Variants in STAT1 observed in about 807,000 individuals in gnomAD.
STAT1 encodes the protein signal transducer and activator of transcription 1, also known as signal transducer and activator of transcription 1-alpha/beta.
STAT1 carries 24 observed loss-of-function variants against 111.7 expected under a neutral mutation model. The observed-to-expected ratio is 0.21, with a 90% confidence interval of 0.16 to 0.30. The LOEUF (loss-of-function observed/expected upper bound fraction) is 0.30, where lower values mean the gene tolerates loss of function less well. STAT1 is among the 10% of genes least tolerant of loss of function. The pLI, the probability that STAT1 is intolerant of heterozygous loss-of-function variation, is 1.00. For missense variants in STAT1, 351 were observed against 911.9 expected (o/e 0.38, Z 7.92); for synonymous variants, 332 against 326.5 (o/e 1.02, Z -0.18).
In STAT1 at chr2:190,990,822, C is replaced by A. The variant is rs187298237; in HGVS notation, c.1037+406G>T. On this transcript the variant is annotated intron_variant, in intron 11 of 24. Transcript: ENST00000361099. This position sits in a 1 kb window ranked among gnomAD's most constrained non-coding sequence, Gnocchi z 5.1. ...GAGAAACTGATGAAAGCTATAAATC[C>A]ATCCATCAGAAAAATGTACATGTTA... 1.3e-3 allele frequency among the ~76,000 whole-genome samples: 193 copies of A among 152,252 alleles called. No homozygotes were observed. Among genetic ancestry groups the A allele is most frequent in the Non-Finnish European group, 2.4e-3 (164 of 68,018 alleles).
chr2:191,013,207 T>C (rs1043104055), intron 2 of STAT1, among the ~76,000 whole-genome samples: 15 of 152,276 alleles, frequency 9.9e-5, no homozygotes, highest in Admixed American at 2.0e-4. Flanking sequence ...TCCAGCATCC[T>C]CATTAAGCAA....
rs1223001198 is a variant in STAT1 at position 190,970,133 on chromosome 2, T to TC, written c.*569dup. ...GAAAGATGTAATAAAATACACATTT[T>TC]CCCCCTACCAGATCCATGATGGCTA... On this transcript the variant is annotated 3_prime_UTR_variant, in exon 25 of 25. Transcript: ENST00000361099. The surrounding 1 kb of genome is among the most constrained non-coding windows in gnomAD (Gnocchi z 5.4). 2 of 161,678 alleles carry TC rather than the reference T, an allele frequency of 1.2e-5. No individual in the cohort carries two copies. The highest frequency in any genetic ancestry group is 4.8e-5 in the African/African-American group (2 of 41,498). 10.0% of individuals were successfully genotyped at this position (161,678 alleles called of 1,614,324 possible).
In STAT1 at chr2:190,980,444, C is replaced by G. The variant is rs952089791; in HGVS notation, c.1632+176G>C. Among the ~76,000 whole-genome samples, 3 of 152,230 alleles carry G rather than the reference C, an allele frequency of 2.0e-5. No individual in the cohort carries two copies. The highest frequency in any genetic ancestry group is 4.4e-5 in the Non-Finnish European group (3 of 68,042). On this transcript the variant is annotated intron_variant, in intron 19 of 24. Coordinates refer to ENST00000361099, the MANE Select transcript of STAT1 (RefSeq NM_007315.4). This position sits in a 1 kb window ranked among gnomAD's most constrained non-coding sequence, Gnocchi z 6.1. The stretch of plus-strand genomic sequence containing the variant: ...AGGTGCTTCCTGTCAGACTCCTGCT[C>G]GGAGACCAACCTCCTGCACTGAAGA...
chr2:190,988,554 A>T (rs1029273197), intron 12 of STAT1, among the ~76,000 whole-genome samples: 2 of 151,784 alleles, frequency 1.3e-5, no homozygotes, highest in Non-Finnish European at 2.9e-5. Context: ...AATTTTTTGT[A>T]TTTTTCGTAG....
Position 191,000,975 on chromosome 2 carries a change from G to T in STAT1, c.462+99C>A. ...AATTTTTCTTCCCAACTACTTAAAA[G>T]ACTGAACTCAGTTACGAGGTTTACA... On this transcript the variant is annotated intron_variant, in intron 6 of 24. Coordinates refer to ENST00000361099, the MANE Select transcript of STAT1 (RefSeq NM_007315.4). The surrounding 1 kb of genome is among the most constrained non-coding windows in gnomAD (Gnocchi z 4.8). 9.8e-7 allele frequency: 1 copy of T among 1,024,542 alleles called. No individual in the cohort carries two copies. Among genetic ancestry groups the T allele is most frequent in the South Asian group, 1.3e-5 (1 of 77,476 alleles). The allele number at this position is 1,024,542 out of a possible 1,614,324, so 63.5% of individuals were successfully genotyped here.
Position 190,984,276 on chromosome 2 carries a change from G to T in STAT1, c.1347+34C>A, listed in dbSNP as rs1192301882. 3.3e-6 allele frequency: 5 copies of T among 1,508,336 alleles called. No individual in the cohort carries two copies. In the African/African-American group the frequency reaches 6.9e-5, roughly 21 times the overall value. 93.4% of individuals were successfully genotyped at this position (1,508,336 alleles called of 1,614,324 possible). ...TGTAACAATTAAAAGTAAAAATAAT[G>T]AAGTTTTCCAACTCGGGACCATAAA... is the stretch of plus-strand genomic sequence containing the variant. On this transcript the variant is annotated intron_variant, in intron 16 of 24. Coordinates refer to ENST00000361099, the MANE Select transcript of STAT1 (RefSeq NM_007315.4). The surrounding 1 kb of genome is among the most constrained non-coding windows in gnomAD (Gnocchi z 5.2).
At chr2:191,011,391 G>A (rs1695103204) in intron 2 of STAT1, among the ~76,000 whole-genome samples, 1 of 152,140 alleles carries the variant, frequency 6.6e-6, no homozygotes, top group Non-Finnish European at 1.5e-5. Flanking sequence ...GCGAACCCAG[G>A]TAACTTACTC....
rs761353987 is a variant in STAT1 at position 191,003,766 on chromosome 2, T to C, written c.373-2603A>G. On this transcript the variant is annotated intron_variant, in intron 5 of 24. Coordinates refer to ENST00000361099, the MANE Select transcript of STAT1 (RefSeq NM_007315.4). This position sits in a 1 kb window ranked among gnomAD's most constrained non-coding sequence, Gnocchi z 4.0. ...TTACCCAGTCTCAGGTATTTCTTTA[T>C]AGCCATGCAAGAACAGACTAATACA... Among the ~76,000 whole-genome samples, 2 of 152,206 alleles carry C rather than the reference T, an allele frequency of 1.3e-5. No individual in the cohort carries two copies. The highest frequency in any genetic ancestry group is 6.5e-5 in the Admixed American group (1 of 15,284).
In STAT1 at chr2:190,990,272, A is replaced by C. The variant is rs1430138989; in HGVS notation, c.1038-598T>G. Among the ~76,000 whole-genome samples the C allele has an allele frequency of 6.6e-6, 1 of 152,156 alleles. No individual in the cohort carries two copies. The highest frequency in any genetic ancestry group is 1.5e-5 in the Non-Finnish European group (1 of 68,014). ...AGCAGGTGGATGGGATCAGATTTCT[A>C]CTGTCCCTTCCAGCTGCTGAGTTCT... is the stretch of plus-strand genomic sequence containing the variant. On this transcript the variant is annotated intron_variant, in intron 11 of 24. Coordinates refer to ENST00000361099, the MANE Select transcript of STAT1 (RefSeq NM_007315.4). This position sits in a 1 kb window ranked among gnomAD's most constrained non-coding sequence, Gnocchi z 5.1.
rs923334616 is a variant in STAT1, at chr2:191,003,115, A to G, written c.373-1952T>C. Among the ~76,000 whole-genome samples, 12 of 152,220 alleles carry G rather than the reference A, an allele frequency of 7.9e-5. No homozygotes were observed. The highest frequency in any genetic ancestry group is 1.5e-5 in the Non-Finnish European group (1 of 68,038). On this transcript the variant is annotated intron_variant, in intron 5 of 24. Coordinates refer to ENST00000361099, the MANE Select transcript of STAT1 (RefSeq NM_007315.4). The surrounding 1 kb of genome is among the most constrained non-coding windows in gnomAD (Gnocchi z 4.0). ...TTTTTGTTTTATCTTTATCAGGCAT[A>G]CGTCATCAAAGTTATTCTCTCTTCA...
rs1482479031 is a variant in STAT1 at position 190,981,201 on chromosome 2, C to G, written c.1583-532G>C. On this transcript the variant is annotated intron_variant, in intron 18 of 24. Transcript: ENST00000361099. The surrounding 1 kb of genome is among the most constrained non-coding windows in gnomAD (Gnocchi z 4.1). ...TGCCTTCCTCTGCTGCTCAGCAGAGCCCCCTCTCCCAAGGATCCTACAGAA... is the reference window on the plus strand; with the variant it reads ...TGCCTTCCTCTGCTGCTCAGCAGAGGCCCCTCTCCCAAGGATCCTACAGAA... Among the ~76,000 whole-genome samples, 1 of 152,204 alleles carries G rather than the reference C, an allele frequency of 6.6e-6. No homozygotes were observed. Among genetic ancestry groups the G allele is most frequent in the Admixed American group, 6.5e-5 (1 of 15,290 alleles).
At position 191,013,433 on chromosome 2, in the gene STAT1, G is replaced by A. The variant is rs1574677647; in HGVS notation, c.-2+92C>T. On this transcript the variant is annotated intron_variant, in intron 2 of 24. Transcript: ENST00000361099. The stretch of plus-strand genomic sequence containing the variant: ...AAACATCACTTTTAAACTCTAGGAA[G>A]ACATTAAGCCCTTCCATCTTTGAAC... The A allele has an allele frequency of 1.0e-5, 4 of 390,848 alleles. No individual in the cohort carries two copies. The East Asian group carries it at 1.5e-4, about 14-fold the overall frequency. The allele number at this position is 390,848 out of a possible 1,614,324, so 24.2% of individuals were successfully genotyped here. A position where few individuals can be genotyped will look rare whatever the true frequency, so the allele number is the denominator to read the frequency against.
rs45568436 is a variant in STAT1, at chr2:190,972,008, C to T, written c.2239-1291G>A. 2.6e-3 allele frequency among the ~76,000 whole-genome samples: 396 copies of T among 152,214 alleles called. 1 individual carries two copies. Among genetic ancestry groups the T allele is most frequent in the African/African-American group, 8.4e-3 (348 of 41,530 alleles). On this transcript the variant is annotated intron_variant, in intron 24 of 24. Coordinates refer to ENST00000361099, the MANE Select transcript of STAT1 (RefSeq NM_007315.4). The stretch of plus-strand genomic sequence containing the variant: ...GATTACAGGCGTGAGCCACCGCGCC[C>T]GGCCTGGCTGATGTTTCAAATGTGT...
At position 190,978,685 on chromosome 2, in the gene STAT1, C is replaced by T; in HGVS notation, c.1873+171G>A. 2 of 834,806 alleles carry T rather than the reference C, an allele frequency of 2.4e-6. No individual in the cohort carries two copies. The highest frequency in any genetic ancestry group is 2.1e-5 in the Admixed American group (1 of 47,982). 51.7% of individuals were successfully genotyped at this position (834,806 alleles called of 1,614,324 possible). On this transcript the variant is annotated intron_variant, in intron 21 of 24. Transcript: ENST00000361099. The surrounding 1 kb of genome is among the most constrained non-coding windows in gnomAD (Gnocchi z 6.1). ...TATGTTCCAGAGAGTGAACCACAAC[C>T]ACAAACATTTGTGGTGGTTTATTAA...
At position 190,970,963 on chromosome 2, in the gene STAT1, T is replaced by A. The variant is rs1262277545; in HGVS notation, c.2239-246A>T. ...CTGCCCACTGGCTTAATTTTGTGAA[T>A]CCATCCAGACTGCATAAAGCTTTTT... On this transcript the variant is annotated intron_variant, in intron 24 of 24. Coordinates refer to ENST00000361099, the MANE Select transcript of STAT1 (RefSeq NM_007315.4). The surrounding 1 kb of genome is among the most constrained non-coding windows in gnomAD (Gnocchi z 5.4). Among the ~76,000 whole-genome samples the A allele has an allele frequency of 6.6e-6, 1 of 152,208 alleles. No homozygotes were observed. Among genetic ancestry groups the A allele is most frequent in the East Asian group, 1.9e-4 (1 of 5,198 alleles).
At position 191,003,201 on chromosome 2, in the gene STAT1, G is replaced by T. The variant is rs1694408655; in HGVS notation, c.373-2038C>A. ...AGCAGAAGTTCAAAGCATGTGAATT[G>T]TATCAGCTGTAAAGTGTGTATTAGA... On this transcript the variant is annotated intron_variant, in intron 5 of 24. Transcript: ENST00000361099. This position sits in a 1 kb window ranked among gnomAD's most constrained non-coding sequence, Gnocchi z 4.0. Among the ~76,000 whole-genome samples, 4 of 152,320 alleles carry T rather than the reference G, an allele frequency of 2.6e-5. No homozygotes were observed. The highest frequency in any genetic ancestry group is 9.6e-5 in the African/African-American group (4 of 41,576).
In STAT1 at chr2:191,006,982, G is replaced by A. The variant is rs1487286828; in HGVS notation, c.372+581C>T. Among the ~76,000 whole-genome samples the A allele has an allele frequency of 2.0e-5, 3 of 152,036 alleles. No individual in the cohort carries two copies. Among genetic ancestry groups the A allele is most frequent in the Admixed American group, 6.5e-5 (1 of 15,272 alleles). On this transcript the variant is annotated intron_variant, in intron 5 of 24. Coordinates refer to ENST00000361099, the MANE Select transcript of STAT1 (RefSeq NM_007315.4). This position sits in a 1 kb window ranked among gnomAD's most constrained non-coding sequence, Gnocchi z 4.6. ...GCCCCCTCCTTGCCTTCCCAGCTCC[G>A]TGTACAGCATTACCATTTTTCAAGG... is the stretch of plus-strand genomic sequence containing the variant.
chr2:191,013,019 A>T (rs559483340), intron 2 of STAT1, among the ~76,000 whole-genome samples: 3 of 151,808 alleles, frequency 2.0e-5, no homozygotes, highest in Non-Finnish European at 4.4e-5. Flanking sequence ...CGGCGGGGGA[A>T]GGTGGGTGGG....
chr2:190,996,653 A>C lies in STAT1; in HGVS notation c.785+1203T>G, dbSNP rs1232672970. Among the ~76,000 whole-genome samples, 1 of 152,210 alleles carries C rather than the reference A, an allele frequency of 6.6e-6. No individual in the cohort carries two copies. Among genetic ancestry groups the C allele is most frequent in the Non-Finnish European group, 1.5e-5 (1 of 68,038 alleles). On this transcript the variant is annotated intron_variant, in intron 9 of 24. Coordinates refer to ENST00000361099, the MANE Select transcript of STAT1 (RefSeq NM_007315.4). This position sits in a 1 kb window ranked among gnomAD's most constrained non-coding sequence, Gnocchi z 4.5. ...GGGCTCAGAAGCTCTGCTCTAACCC[A>C]CAAGAAATCTGGGGTACCTACAGGC...
Sources: allele counts gnomAD v4.1 joint callset (sites outside exome capture counted in the v4.1 genomes callset), GRCh38; gene constraint gnomAD v4.1.1; non-coding constraint Gnocchi (gnomAD v3.1); transcripts MANE v1.5; gene names NCBI Gene and HGNC (gene_info 2026-07-23, HGNC 2026-07-21).